The following TMPRSS15 variants were observed in gnomAD, a reference collection of about 807,000 sequenced individuals.
The protein encoded by TMPRSS15 is transmembrane serine protease 15, also known as enteropeptidase.
A neutral mutation model predicts 125.3 loss-of-function variants in TMPRSS15; 128 were observed. That is an observed-to-expected ratio of 1.02 (90% CI 0.89 to 1.18). The LOEUF is 1.18. TMPRSS15 is among the 50% of genes most tolerant of loss of function. The pLI, the probability that TMPRSS15 is intolerant of heterozygous loss-of-function variation, is 0.00. For missense variants in TMPRSS15, 1,283 were observed against 1,212.7 expected (o/e 1.06, Z -0.86); for synonymous variants, 446 against 423.2 (o/e 1.05, Z -0.66).
At chr21:18,351,224 T>C (rs1291598288) in intron 10 of TMPRSS15, among the ~76,000 whole-genome samples, 2 of 152,210 alleles carry the variant, frequency 1.3e-5, no homozygotes, top group Non-Finnish European at 2.9e-5. Context: ...GCCAATTTGC[T>C]TAGAATTTTT....
In TMPRSS15 at chr21:18,272,730, A is replaced by G. The variant is rs528855391; in HGVS notation, c.2904+2467T>C. On this transcript the variant is annotated intron_variant, in intron 24 of 24. Transcript: ENST00000284885. ...ATAAGAGCAAAACTCTGACTCAAAA[A>G]TAAATAAATAAATAATAAATAAATA... 2.6e-5 allele frequency among the ~76,000 whole-genome samples: 4 copies of G among 152,242 alleles called. No individual in the cohort carries two copies. In the South Asian group the frequency reaches 8.3e-4, roughly 32 times the overall value.
At chr21:18,331,423 G>C (rs1261340100) in intron 14 of TMPRSS15, among the ~76,000 whole-genome samples, 1 of 152,308 alleles carries the variant, frequency 6.6e-6, no homozygotes, top group Non-Finnish European at 1.5e-5. Context: ...TAGGGAATCT[G>C]CATCTCCAAC....
At chr21:18,309,932 G>T (rs2075080743) in intron 18 of TMPRSS15, among the ~76,000 whole-genome samples, 1 of 152,080 alleles carries the variant, frequency 6.6e-6, no homozygotes, top group African/African-American at 2.4e-5. Context: ...TGATGAGGCT[G>T]ACATCACTTG....
At chr21:18,464,898 T>C (rs1413126513) in intron 1 of TMPRSS15, among the ~76,000 whole-genome samples, 2 of 152,176 alleles carry the variant, frequency 1.3e-5, no homozygotes, top group Non-Finnish European at 2.9e-5. Flanking sequence ...CACTCCTCCC[T>C]AACTCATTTC....
rs1358046290 is a variant in TMPRSS15, at chr21:18,441,614, A to G, written c.11-43285T>C. On this transcript the variant is annotated intron_variant, in intron 1 of 7. Coordinates refer to the TMPRSS15 transcript ENST00000422787. ...AGAGCAAGACTCCATCTCAAAAAAAAAAAAAAAAAAGAAAGAAAAGAAAAG... is the reference window on the plus strand; with the variant it reads ...AGAGCAAGACTCCATCTCAAAAAAAGAAAAAAAAAAGAAAGAAAAGAAAAG... Among the ~76,000 whole-genome samples, 6 of 75,030 alleles carry G rather than the reference A, an allele frequency of 8.0e-5. No individual in the cohort carries two copies. The Admixed American group carries it at 1.0e-3, about 13-fold the overall frequency. The allele number at this position is 75,030 out of a possible 152,430, so 49.2% of individuals were successfully genotyped here.
chr21:18,470,488 A>G (rs765716350), intron 1 of TMPRSS15, among the ~76,000 whole-genome samples: 3 of 152,072 alleles, frequency 2.0e-5, no homozygotes, highest in Non-Finnish European at 2.9e-5. Flanking sequence ...TTCTAAGCAA[A>G]TGCTGAGTTA....
At chr21:18,299,134 C>T (rs994301031) in intron 18 of TMPRSS15, among the ~76,000 whole-genome samples, 15 of 152,132 alleles carry the variant, frequency 9.9e-5, no homozygotes, top group African/African-American at 3.4e-4. Context: ...AAAGATGAGC[C>T]TTGGAATTCC....
intron 16 of TMPRSS15, among the ~76,000 whole-genome samples, chr21:18,319,415 T>C: frequency 8.4e-6 from 1 of 119,682 alleles, no homozygotes; most frequent in Non-Finnish European, 1.8e-5. Context: ...AAAAATCTTC[T>C]TCACCGATTT....
intron 1 of TMPRSS15, among the ~76,000 whole-genome samples, chr21:18,477,096 G>A (rs569004537): frequency 6.6e-6 from 1 of 152,096 alleles, no homozygotes; most frequent in Non-Finnish European, 1.5e-5. Flanking sequence ...AAGTTAATAT[G>A]ATACGCCTTG....
rs2824755 is a variant in TMPRSS15, at chr21:18,346,501, T to A, written c.1172-2441A>T. Among the ~76,000 whole-genome samples the A allele has an allele frequency of 3.9e-5, 6 of 152,164 alleles. No individual in the cohort carries two copies. The East Asian group carries it at 5.8e-4, about 15-fold the overall frequency. On this transcript the variant is annotated intron_variant, in intron 10 of 24. Coordinates refer to ENST00000284885, the MANE Select transcript of TMPRSS15 (RefSeq NM_002772.3). ...TTAAAGGCCACTATTACATCTCTCC[T>A]AAGTCTTCTCAAGATTATCCATCAC...
chr21:18,371,403 A>G (rs1569039307), intron 6 of TMPRSS15, among the ~76,000 whole-genome samples: 1 of 152,164 alleles, frequency 6.6e-6, no homozygotes, highest in Non-Finnish European at 1.5e-5. Context: ...CACAGAAACA[A>G]ATTACCTACT....
rs113761367 is a variant in TMPRSS15 at position 18,362,254 on chromosome 21, G to C, written c.774-2391C>G. On this transcript the variant is annotated intron_variant, in intron 7 of 24. Coordinates refer to ENST00000284885, the MANE Select transcript of TMPRSS15 (RefSeq NM_002772.3). ...GCTGGTGAGACCTTTAGAGAATCTG[G>C]AGTCAAGCTGGAATAGACAGAGATG... Among the ~76,000 whole-genome samples, 59 of 152,282 alleles carry C rather than the reference G, an allele frequency of 3.9e-4. 1 individual carries two copies. The highest frequency in any genetic ancestry group is 1.4e-3 in the African/African-American group (58 of 41,570).
chr21:18,335,696 A>C (rs372697679), intron 13 of TMPRSS15, among the ~76,000 whole-genome samples: 22 of 152,352 alleles, frequency 1.4e-4, no homozygotes, highest in East Asian at 1.2e-3. Flanking sequence ...CATATAAATG[A>C]CTGTAAAGAA....
At chr21:18,461,546 C>T (rs189843260) in intron 1 of TMPRSS15, among the ~76,000 whole-genome samples, 23 of 152,136 alleles carry the variant, frequency 1.5e-4, no homozygotes, top group Middle Eastern at 3.4e-3. Context: ...AAACTCCCCA[C>T]GCATATCCTT....
intron 1 of TMPRSS15, among the ~76,000 whole-genome samples, chr21:18,427,695 T>C (rs2076206224): frequency 6.6e-6 from 1 of 152,200 alleles, no homozygotes; most frequent in South Asian, 2.1e-4. Flanking sequence ...AAATCATTCT[T>C]CTAACCAGGA....
In TMPRSS15 at chr21:18,351,642, G is replaced by A. The variant is rs542013238; in HGVS notation, c.1171+1261C>T. On this transcript the variant is annotated intron_variant, in intron 10 of 24. Transcript: ENST00000284885. ...TTATAAGTGTCCTGAGACCTCCCCAGCCATGCAGAACTATGAGTCAATGAA... is the reference window on the plus strand; with the variant it reads ...TTATAAGTGTCCTGAGACCTCCCCAACCATGCAGAACTATGAGTCAATGAA... Among the ~76,000 whole-genome samples the A allele has an allele frequency of 3.3e-5, 5 of 152,234 alleles. No individual in the cohort carries two copies. In the South Asian group the frequency reaches 1.0e-3, roughly 32 times the overall value.
At chr21:18,313,355 A>ATG (rs2075122550) in intron 17 of TMPRSS15, among the ~76,000 whole-genome samples, 2 of 151,588 alleles carry the variant, frequency 1.3e-5, no homozygotes, top group African/African-American at 2.4e-5. Flanking sequence ...CTCTCTATAT[A>ATG]TATATACACA....
chr21:18,378,614 T>C (rs1443231669), intron 5 of TMPRSS15, among the ~76,000 whole-genome samples: 1 of 152,078 alleles, frequency 6.6e-6, no homozygotes, highest in African/African-American at 2.4e-5. Flanking sequence ...AGTGATATTG[T>C]TGGGAGCTGA....
At chr21:18,339,311 A>G (rs1199026133) in intron 13 of TMPRSS15, among the ~76,000 whole-genome samples, 2 of 152,212 alleles carry the variant, frequency 1.3e-5, no homozygotes, top group African/African-American at 4.8e-5. Flanking sequence ...CATGGGATCA[A>G]TATGACAATA....
Sources: allele counts gnomAD v4.1 joint callset (sites outside exome capture counted in the v4.1 genomes callset), GRCh38; gene constraint gnomAD v4.1.1; transcripts MANE v1.5; gene names NCBI Gene and HGNC (gene_info 2026-07-23, HGNC 2026-07-21).